ZNF214: variants seen among roughly 807,000 people sequenced by gnomAD.
ZNF214 encodes the protein BWSCR2-associated zinc finger protein 1.
A neutral mutation model predicts 53.9 loss-of-function variants in ZNF214; 43 were observed. That is an observed-to-expected ratio of 0.80 (90% CI 0.63 to 1.03). ZNF214 has a LOEUF of 1.03. ZNF214 is among the 50% of genes least tolerant of loss of function. The pLI, the probability that ZNF214 is intolerant of heterozygous loss-of-function variation, is 0.00. For synonymous variants in ZNF214, 217 were observed against 229.5 expected (o/e 0.95, Z 0.49); for missense variants, 724 against 719.1 (o/e 1.01, Z -0.08).
At position 7,001,005 on chromosome 11, in the gene ZNF214, T is replaced by A. The variant is rs1235763253; in HGVS notation, c.678A>T (p.Gly226=). Residue 226 remains glycine (G), a synonymous_variant, in exon 3 of 3, where the codon GGA becomes GGT. Coordinates refer to ENST00000278314, the MANE Select transcript of ZNF214 (RefSeq NM_013249.4). ...CACACCGTGAGTTCCAATAATAAATTCCTTTACATTTATTACATCCACAGT... is the reference window on the plus strand; with the variant it reads ...CACACCGTGAGTTCCAATAATAAATACCTTTACATTTATTACATCCACAGT... ...EKYCGCNKCK[G]IYYWNSRCVF... 1.2e-6 allele frequency: 2 copies of A among 1,612,968 alleles called. No individual in the cohort carries two copies. The highest frequency in any genetic ancestry group is 1.7e-6 in the Non-Finnish European group (2 of 1,179,550).
intron 1 of ZNF214, among the ~76,000 whole-genome samples, chr11:7,012,430 GAAAAAAGATGGAATTAATGAA>G (rs1393568027): frequency 6.6e-6 from 1 of 151,216 alleles, no homozygotes; most frequent in Non-Finnish European, 1.5e-5. Context: ...TAAAATTAAT[GAAAAAAGATGGAATTAATGAA>G]AAAAAAGATG....
In ZNF214 at chr11:7,006,039, A is replaced by G. The variant is rs370211879; in HGVS notation, c.-20-3184T>C. ...TATTATTTTGCTTTTCAGTGTTTTC[A>G]TACTCACTGATTCTTACATACTGGA... is the stretch of plus-strand genomic sequence containing the variant. On this transcript the variant is annotated intron_variant, in intron 1 of 2. Coordinates refer to ENST00000278314, the MANE Select transcript of ZNF214 (RefSeq NM_013249.4). 3.3e-5 allele frequency among the ~76,000 whole-genome samples: 5 copies of G among 152,168 alleles called. No individual in the cohort carries two copies. In the East Asian group the frequency reaches 9.7e-4, roughly 29 times the overall value.
intron 1 of ZNF214, among the ~76,000 whole-genome samples, chr11:7,016,835 T>TTCC (rs1420130222): frequency 3.3e-5 from 5 of 151,848 alleles, no homozygotes; most frequent in Non-Finnish European, 7.4e-5. Context: ...AATAACACAA[T>TTCC]TAAGAAACAG....
intron 1 of ZNF214, among the ~76,000 whole-genome samples, chr11:7,018,487 T>C: frequency 7.1e-6 from 1 of 140,056 alleles, no homozygotes; most frequent in East Asian, 2.1e-4. Flanking sequence ...TTACCCCCAA[T>C]GTTAAGACTT....
chr11:7,014,080 C>A (rs1565000309), intron 1 of ZNF214, among the ~76,000 whole-genome samples: 1 of 152,156 alleles, frequency 6.6e-6, no homozygotes, highest in East Asian at 1.9e-4. Context: ...GGAAACTTGA[C>A]AAGGATACTG....
chr11:7,004,021 A>T (rs949160676), intron 1 of ZNF214, among the ~76,000 whole-genome samples: 1 of 151,876 alleles, frequency 6.6e-6, no homozygotes, highest in Non-Finnish European at 1.5e-5. Flanking sequence ...TGGTATCTGG[A>T]AAATAAATGG....
At chr11:7,008,011 A>C (rs1851513986) in intron 1 of ZNF214, among the ~76,000 whole-genome samples, 1 of 150,730 alleles carries the variant, frequency 6.6e-6, no homozygotes, top group African/African-American at 2.4e-5. Context: ...ATTATTAAAT[A>C]ATCTTCAAAT....
intron 1 of ZNF214, among the ~76,000 whole-genome samples, chr11:7,011,193 AT>A (rs1851599025): frequency 6.6e-6 from 1 of 152,036 alleles, no homozygotes; most frequent in South Asian, 2.1e-4. Flanking sequence ...ATAATCTTGG[AT>A]TCCAAGACCA....
chr11:7,002,876 T>C (rs1351185750), intron 1 of ZNF214, 21 bp from the exon 2 acceptor site: 27 of 1,554,892 alleles, frequency 1.7e-5, no homozygotes, highest in Non-Finnish European at 2.3e-5. Context: ...GAAATCTAAG[T>C]GAGAAGATGG....
chr11:7,014,060 C>A (rs1273468775), intron 1 of ZNF214, among the ~76,000 whole-genome samples: 1 of 152,268 alleles, frequency 6.6e-6, no homozygotes, highest in Middle Eastern at 3.4e-3. Context: ...AAGTCATTCT[C>A]ATTAAAACTG....
chr11:7,010,494 T>C (rs577540280), intron 1 of ZNF214, among the ~76,000 whole-genome samples: 10 of 151,984 alleles, frequency 6.6e-5, no homozygotes, highest in African/African-American at 2.4e-4. Context: ...GTTGACAAAA[T>C]AATTTGAATG....
chr11:7,005,658 C>G (rs1851456120), intron 1 of ZNF214, among the ~76,000 whole-genome samples: 1 of 152,066 alleles, frequency 6.6e-6, no homozygotes, highest in Non-Finnish European at 1.5e-5. Flanking sequence ...GTTAGCTAAA[C>G]TGAACAATGG....
rs1182096877 is a variant in ZNF214 at position 7,015,212 on chromosome 11, A to G, written c.-21+4861T>C. Among the ~76,000 whole-genome samples the G allele has an allele frequency of 3.9e-5, 6 of 151,928 alleles. No homozygotes were observed. In the East Asian group the frequency reaches 1.2e-3, roughly 29 times the overall value. On this transcript the variant is annotated intron_variant, in intron 1 of 2. Transcript: ENST00000278314. The stretch of plus-strand genomic sequence containing the variant: ...AAATTTATAATAGCAATAAGAATAT[A>G]AATTCCTAAAAATAAATTTACCAAA...
intron 1 of ZNF214, among the ~76,000 whole-genome samples, chr11:7,018,440 A>G (rs557484193): frequency 6.7e-6 from 1 of 150,208 alleles, no homozygotes; most frequent in South Asian, 2.1e-4. Context: ...TTTAATGTCG[A>G]TAACTTCAGA....
chr11:7,010,758 G>T (rs1027718751), intron 1 of ZNF214, among the ~76,000 whole-genome samples: 4 of 151,698 alleles, frequency 2.6e-5, no homozygotes, highest in Admixed American at 6.6e-5. Flanking sequence ...AAAATTTAAT[G>T]TCAGACCAAT....
Position 6,997,743 on chromosome 11 carries a change from T to G in ZNF214, c.*2119A>C, listed in dbSNP as rs182736153. 6.6e-6 allele frequency among the ~76,000 whole-genome samples: 1 copy of G among 151,984 alleles called. No individual in the cohort carries two copies. Among genetic ancestry groups the G allele is most frequent in the African/African-American group, 2.4e-5 (1 of 41,516 alleles). ...AGAAATGACCAGTTAAATTTGAATT[T>G]CAAATGTATGAAATTTTAGTGTAAG... On this transcript the variant is annotated 3_prime_UTR_variant, in exon 3 of 3. Transcript: ENST00000278314.
Position 7,000,220 on chromosome 11 carries a change from T to C in ZNF214, c.1463A>G (p.His488Arg), listed in dbSNP as rs756106451. Residue 488 changes from histidine to arginine, a missense_variant, in exon 3 of 3, where the codon CAT becomes CGT. Coordinates refer to ENST00000278314, the MANE Select transcript of ZNF214 (RefSeq NM_013249.4). Reference protein sequence around the residue: ...GFSKSSKLHTHQRVHTGEKPY... With the variant: ...GFSKSSKLHTRQRVHTGEKPY... The stretch of plus-strand genomic sequence containing the variant: ...TTTCTCTCCAGTATGTACTCTTTGA[T>C]GAGTGTGAAGCTTTGAACTCTTACT... 5.6e-6 allele frequency: 9 copies of C among 1,613,290 alleles called. No homozygotes were observed. The South Asian group carries it at 8.8e-5, about 16-fold the overall frequency.
At position 6,999,684 on chromosome 11, in the gene ZNF214, TA is replaced by T. The variant is rs1194881753; in HGVS notation, c.*177del. The T allele has an allele frequency of 5.2e-6, 3 of 575,970 alleles. No individual in the cohort carries two copies. Among genetic ancestry groups the T allele is most frequent in the Non-Finnish European group, 8.5e-6 (3 of 354,516 alleles). The allele number at this position is 575,970 out of a possible 1,614,324, so 35.7% of individuals were successfully genotyped here. On this transcript the variant is annotated 3_prime_UTR_variant, in exon 3 of 3. Transcript: ENST00000278314. Reference sequence around the variant, plus strand: ...AAAATACACTATAATTTTAAATATATAGGGTTTTTTCTAAAGATCTCCTTTT... The same window carrying T: ...AAAATACACTATAATTTTAAATATATGGGTTTTTTCTAAAGATCTCCTTTT...
At position 7,000,783 on chromosome 11, in the gene ZNF214, C is replaced by T. The variant is rs1422752817; in HGVS notation, c.900G>A (p.Glu300=). ...CACATGCATTACAGCTATAAGGTAC[C>T]TCCCCTATGTGAACTCTCTGATGAA... The part of the protein sequence containing the change: ...VHFHQRVHIG[E]VPYSCNACGK... The change falls in exon 3 of 3, where the codon GAG becomes GAA. Residue 300 remains glutamate, a synonymous_variant. Coordinates refer to ENST00000278314, the MANE Select transcript of ZNF214 (RefSeq NM_013249.4). 1 of 1,610,516 alleles carries T rather than the reference C, an allele frequency of 6.2e-7. No homozygotes were observed. Among genetic ancestry groups the T allele is most frequent in the East Asian group, 2.2e-5 (1 of 44,850 alleles).
Sources: gnomAD v4.1 joint callset for allele counts (sites outside exome capture counted in the v4.1 genomes callset) on GRCh38, gnomAD v4.1.1 for gene constraint, MANE v1.5 for transcripts, NCBI Gene and HGNC (gene_info 2026-07-23, HGNC 2026-07-21) for gene names.